Variants in PCBP3 observed in about 807,000 individuals in gnomAD.
PCBP3 encodes poly(rC)-binding protein 3.
Under a neutral mutation model 52.7 loss-of-function variants are expected in PCBP3, and 25 were observed. The observed-to-expected ratio is 0.47, with a 90% CI of 0.35 to 0.66. The LOEUF (loss-of-function observed/expected upper bound fraction) is 0.66. Ranked by LOEUF, PCBP3 falls within the 30% of genes least tolerant of loss-of-function variation. The pLI, the probability that PCBP3 is intolerant of heterozygous loss-of-function variation, is 0.01. For synonymous variants in PCBP3, 162 were observed against 183.0 expected (o/e 0.89, Z 0.93); for missense variants, 391 against 490.3 (o/e 0.80, Z 1.91).
chr21:45,940,044 A>G lies in PCBP3; in HGVS notation c.924A>G (p.Ile308Met). The G allele has an allele frequency of 6.2e-7, 1 of 1,614,032 alleles. No homozygotes were observed. Among genetic ancestry groups the G allele is most frequent in the Non-Finnish European group, 8.5e-7 (1 of 1,179,926 alleles). The stretch of plus-strand genomic sequence containing the variant: ...CTTGTTTCTAGCTAATAGGCTGCAT[A>G]ATTGGACGCCAAGGGACCAAAATCA... ...LTIPNDLIGC[I>M]IGRQGTKINE... is the part of the protein sequence containing the mutation. The change falls in exon 17 of 18, where the codon ATA becomes ATG. Residue 308 changes from isoleucine (I) to methionine (M), a missense_variant. Coordinates refer to ENST00000681687, the MANE Select transcript of PCBP3 (RefSeq NM_001384156.1).
intron 4 of PCBP3, among the ~76,000 whole-genome samples, chr21:45,844,817 A>G (rs2093771771): frequency 6.6e-6 from 1 of 151,122 alleles, no homozygotes; most frequent in East Asian, 1.9e-4. Context: ...ACATATATAT[A>G]AAGTTATATA....
chr21:45,891,320 T>G (rs1569451776), intron 5 of PCBP3, among the ~76,000 whole-genome samples: 1 of 152,252 alleles, frequency 6.6e-6, no homozygotes, highest in East Asian at 1.9e-4. Context: ...GCAGCTTTAC[T>G]CGTGTATCCC....
chr21:45,878,484 C>T (rs1356319507), intron 5 of PCBP3, among the ~76,000 whole-genome samples: 1 of 152,220 alleles, frequency 6.6e-6, no homozygotes, highest in Non-Finnish European at 1.5e-5. Flanking sequence ...CACTGCCTGC[C>T]CTCTCTACGT....
intron 4 of PCBP3, among the ~76,000 whole-genome samples, chr21:45,783,545 A>T (rs2090808926): frequency 6.6e-6 from 1 of 152,242 alleles, no homozygotes; most frequent in Non-Finnish European, 1.5e-5. Flanking sequence ...GGGGAAGGTC[A>T]CAGAGAGTGG....
chr21:45,653,101 C>A (rs537932769), intron 1 of PCBP3, among the ~76,000 whole-genome samples: 93 of 152,236 alleles, frequency 6.1e-4, no homozygotes, highest in African/African-American at 2.0e-3. Context: ...AATTATATTG[C>A]CCAAAGATCC....
chr21:45,867,466 T>C (rs1330754891), intron 5 of PCBP3, among the ~76,000 whole-genome samples: 1 of 152,238 alleles, frequency 6.6e-6, no homozygotes, highest in Non-Finnish European at 1.5e-5. Flanking sequence ...CTGGCGCACC[T>C]GCTACCCCTG....
intron 4 of PCBP3, among the ~76,000 whole-genome samples, chr21:45,774,398 A>G (rs1273535884): frequency 1.3e-5 from 2 of 152,032 alleles, no homozygotes; most frequent in East Asian, 3.8e-4. Context: ...CAAAAAAAAA[A>G]AAAAGAAAAA....
intron 1 of PCBP3, among the ~76,000 whole-genome samples, chr21:45,645,014 A>C (rs1254504622): frequency 6.6e-6 from 1 of 152,236 alleles, no homozygotes; most frequent in Non-Finnish European, 1.5e-5. Context: ...TCATCATCTT[A>C]AAGCGTGTCA....
rs2092239522 is a variant in PCBP3, at chr21:45,800,217, G to C, written c.-126+44765G>C. On this transcript the variant is annotated intron_variant, in intron 4 of 17. Transcript: ENST00000681687. This position sits in a 1 kb window ranked among gnomAD's most constrained non-coding sequence, Gnocchi z 5.3. ...GCCAGGCAGCAGTTCCTCTCTTGCA[G>C]CTTTTTCTTGGGAGCACCGGGCCAA... is the stretch of plus-strand genomic sequence containing the variant. Among the ~76,000 whole-genome samples, 1 of 152,194 alleles carries C rather than the reference G, an allele frequency of 6.6e-6. No individual in the cohort carries two copies. The highest frequency in any genetic ancestry group is 1.5e-5 in the Non-Finnish European group (1 of 68,022).
rs1381297632 is a variant in PCBP3, at chr21:45,821,011, C to T, written c.-125-28950C>T. 6.6e-6 allele frequency among the ~76,000 whole-genome samples: 1 copy of T among 152,210 alleles called. No individual in the cohort carries two copies. The highest frequency in any genetic ancestry group is 2.1e-4 in the South Asian group (1 of 4,836). On this transcript the variant is annotated intron_variant, in intron 4 of 17. Coordinates refer to ENST00000681687, the MANE Select transcript of PCBP3 (RefSeq NM_001384156.1). This position sits in a 1 kb window ranked among gnomAD's most constrained non-coding sequence, Gnocchi z 4.4. ...CGTTCTGAGAGGAGACCCGGCCCCTCGTCCTTGTCCATCCATGTGGCTTCT... is the reference window on the plus strand; with the variant it reads ...CGTTCTGAGAGGAGACCCGGCCCCTTGTCCTTGTCCATCCATGTGGCTTCT...
At chr21:45,933,635 G>T (rs1041859446) in intron 15 of PCBP3, among the ~76,000 whole-genome samples, 1 of 152,194 alleles carries the variant, frequency 6.6e-6, no homozygotes, top group Non-Finnish European at 1.5e-5. Context: ...TTTATTAAAA[G>T]AATATAAAGA....
At position 45,802,035 on chromosome 21, in the gene PCBP3, C is replaced by A. The variant is rs1012331544; in HGVS notation, c.-126+46583C>A. Among the ~76,000 whole-genome samples the A allele has an allele frequency of 4.1e-4, 62 of 152,330 alleles. No homozygotes were observed. The highest frequency in any genetic ancestry group is 1.3e-3 in the African/African-American group (55 of 41,572). ...CTCTGTGGCTCTCGGGGTCTCCCCT[C>A]CTCTTCCTTGAGGGCATCGTCATGA... On this transcript the variant is annotated intron_variant, in intron 4 of 17. Transcript: ENST00000681687. This position sits in a 1 kb window ranked among gnomAD's most constrained non-coding sequence, Gnocchi z 5.1.
chr21:45,840,593 T>C lies in PCBP3; in HGVS notation c.-125-9368T>C, dbSNP rs370599847. Among the ~76,000 whole-genome samples, 183 of 152,252 alleles carry C rather than the reference T, an allele frequency of 1.2e-3. 2 individuals carry two copies. Among genetic ancestry groups the C allele is most frequent in the African/African-American group, 4.0e-3 (167 of 41,550 alleles). On this transcript the variant is annotated intron_variant, in intron 4 of 17. Coordinates refer to ENST00000681687, the MANE Select transcript of PCBP3 (RefSeq NM_001384156.1). ...GTAGTCATCCTGTCCCAAGCCTTCA[T>C]ATTTACTCACCACTCACTCATGGAC... is the stretch of plus-strand genomic sequence containing the variant.
intron 1 of PCBP3, among the ~76,000 whole-genome samples, chr21:45,661,255 G>C (rs1364130016): frequency 3.3e-5 from 5 of 152,132 alleles, no homozygotes; most frequent in African/African-American, 1.2e-4. Flanking sequence ...AGCATCACCT[G>C]AATAGTGTAC....
chr21:45,718,979 CTG>C (rs2084419597), intron 2 of PCBP3, among the ~76,000 whole-genome samples: 1 of 152,104 alleles, frequency 6.6e-6, no homozygotes, highest in Non-Finnish European at 1.5e-5. Context: ...TCAAGATGCT[CTG>C]TAAAATAAAG....
At chr21:45,850,591 T>C (rs1346519665) in intron 5 of PCBP3, among the ~76,000 whole-genome samples, 1 of 152,190 alleles carries the variant, frequency 6.6e-6, no homozygotes, top group African/African-American at 2.4e-5. Context: ...GCAAGGAACG[T>C]TGGATGAATG....
chr21:45,733,013 T>C (rs1345851262), intron 2 of PCBP3, among the ~76,000 whole-genome samples: 1 of 152,224 alleles, frequency 6.6e-6, no homozygotes, highest in East Asian at 1.9e-4. Context: ...TATATTTTTG[T>C]CTTTTGGGAG....
chr21:45,938,253 C>T (rs940340714), intron 16 of PCBP3, among the ~76,000 whole-genome samples: 4 of 151,772 alleles, frequency 2.6e-5, no homozygotes, highest in Admixed American at 2.6e-4. Flanking sequence ...GCAGACACCA[C>T]GCGCTCCAGC....
chr21:45,679,138 T>C (rs951670849), intron 2 of PCBP3, among the ~76,000 whole-genome samples: 13 of 151,946 alleles, frequency 8.6e-5, no homozygotes, highest in East Asian at 1.9e-4. Context: ...TTGTTGTTTT[T>C]TTGAGATGGA....
Sources: allele counts gnomAD v4.1 joint callset (sites outside exome capture counted in the v4.1 genomes callset), GRCh38; gene constraint gnomAD v4.1.1; non-coding constraint Gnocchi (gnomAD v3.1); transcripts MANE v1.5; gene names NCBI Gene and HGNC (gene_info 2026-07-23, HGNC 2026-07-21).